Variants in COL14A1 observed in about 807,000 individuals in gnomAD.
COL14A1 encodes the protein collagen type XIV alpha 1 chain, also known as collagen alpha-1(XIV) chain.
Under a neutral mutation model 230.3 loss-of-function variants are expected in COL14A1, and 136 were observed. That is an observed-to-expected ratio of 0.59 (90% CI 0.51 to 0.68). The LOEUF (loss-of-function observed/expected upper bound fraction) is 0.68, where lower values mean the gene tolerates loss of function less well. COL14A1 is among the 30% of genes least tolerant of loss of function. The probability of loss-of-function intolerance (pLI) is 0.00; values close to 1 mark genes in which losing one functional copy is unlikely to be tolerated. For synonymous variants in COL14A1, 792 were observed against 784.1 expected, an observed-to-expected ratio of 1.01 and a Z score of -0.17; for missense variants, 1,976 against 2,215.8, an observed-to-expected ratio of 0.89 and a Z score of 2.17.
intron 5 of COL14A1, among the ~76,000 whole-genome samples, chr8:120,170,738 T>C (rs941014520): frequency 2.6e-5 from 4 of 152,104 alleles, no homozygotes; most frequent in Non-Finnish European, 5.9e-5. Context: ...TTTTTGATAT[T>C]TTGTAATGAT....
intron 2 of COL14A1, 110 bp from the exon 3 acceptor site, chr8:120,158,020 C>T (rs548111299): frequency 5.0e-6 from 3 of 601,232 alleles, no homozygotes; most frequent in Admixed American, 3.2e-5. Flanking sequence ...TATTTTGAGG[C>T]TGATGAAGTC....
intron 2 of COL14A1, among the ~76,000 whole-genome samples, chr8:120,157,878 C>T (rs1396607917): frequency 1.3e-5 from 2 of 152,090 alleles, no homozygotes; most frequent in African/African-American, 4.8e-5. Context: ...CCCAGCTACT[C>T]AGGAGGCTGA....
At chr8:120,349,337 C>G (rs1183396150) in intron 45 of COL14A1, among the ~76,000 whole-genome samples, 1 of 150,680 alleles carries the variant, frequency 6.6e-6, no homozygotes, top group Non-Finnish European at 1.5e-5. Context: ...GCCTCTCCTC[C>G]TCCAAGGGAA....
chr8:120,226,231 G>C (rs533307732), intron 15 of COL14A1, among the ~76,000 whole-genome samples: 1 of 151,712 alleles, frequency 6.6e-6, no homozygotes, highest in African/African-American at 2.4e-5. Context: ...AGCCACTAAA[G>C]CAAATAGAAC....
chr8:120,251,935 T>C (rs911140077), intron 22 of COL14A1, among the ~76,000 whole-genome samples: 1 of 152,050 alleles, frequency 6.6e-6, no homozygotes, highest in Middle Eastern at 3.4e-3. Context: ...TGTAACTCTA[T>C]TGCTATAAAC....
chr8:120,320,054 T>C (rs1443781178), intron 40 of COL14A1, among the ~76,000 whole-genome samples: 1 of 152,186 alleles, frequency 6.6e-6, no homozygotes, highest in Non-Finnish European at 1.5e-5. Flanking sequence ...GGTGGCTTTC[T>C]CAGTCCCCAC....
rs1222770406 is a variant in COL14A1 at position 120,161,854 on chromosome 8, G to A, written c.206-572G>A. 6.6e-5 allele frequency among the ~76,000 whole-genome samples: 10 copies of A among 152,184 alleles called. No homozygotes were observed. The East Asian group carries it at 1.5e-3, about 24-fold the overall frequency. ...AATTTTGTGTGTTTTTAGTAGAGAC[G>A]GGGTTTCACCACATTGGCCAGGCTG... is the stretch of plus-strand genomic sequence containing the variant. On this transcript the variant is annotated intron_variant, in intron 3 of 47. Coordinates refer to ENST00000297848, the MANE Select transcript of COL14A1 (RefSeq NM_021110.4).
intron 23 of COL14A1, among the ~76,000 whole-genome samples, chr8:120,255,983 A>G (rs1819137408): frequency 6.6e-6 from 1 of 152,188 alleles, no homozygotes; most frequent in African/African-American, 2.4e-5. Flanking sequence ...CAAATGGCTG[A>G]TTCCCCAAAA....
chr8:120,185,315 T>G (rs35439635), intron 5 of COL14A1, among the ~76,000 whole-genome samples: 9,248 of 152,172 alleles, frequency 0.061, 402 homozygotes, highest in Middle Eastern at 0.095. Context: ...GTAGTGATAG[T>G]GTGATATGTT....
chr8:120,143,878 A>G (rs998569097), intron 1 of COL14A1, among the ~76,000 whole-genome samples: 2 of 152,012 alleles, frequency 1.3e-5, no homozygotes, highest in East Asian at 3.9e-4. Context: ...TTGTAATAAT[A>G]ATTTTTAAAA....
chr8:120,370,952 T>C (rs1823566011), intron 47 of COL14A1, 200 bp from the exon 48 acceptor site: 2 of 1,113,940 alleles, frequency 1.8e-6, no homozygotes, highest in Non-Finnish European at 2.5e-6. Flanking sequence ...TAACAATTTC[T>C]GTAATGTATC....
chr8:120,332,213 T>G lies in COL14A1; in HGVS notation c.4713+19T>G, dbSNP rs192156271. 1.9e-6 allele frequency: 3 copies of G among 1,606,094 alleles called. No homozygotes were observed. Among genetic ancestry groups the G allele is most frequent in the Non-Finnish European group, 2.6e-6 (3 of 1,172,844 alleles). Reference sequence around the variant, plus strand: ...GCCAATAGTAAGCCTTTCCAGAAACTACTGGGACATACTCTGTTTTAAAGC... The same window carrying G: ...GCCAATAGTAAGCCTTTCCAGAAACGACTGGGACATACTCTGTTTTAAAGC... On this transcript the variant is annotated intron_variant, in intron 41 of 47. Transcript: ENST00000297848.
intron 26 of COL14A1, among the ~76,000 whole-genome samples, chr8:120,274,303 A>G (rs908905319): frequency 6.6e-6 from 1 of 151,934 alleles, no homozygotes. Flanking sequence ...CTTTCAACAA[A>G]TTGGGAATAG....
At chr8:120,148,696 A>G (rs1815176706) in intron 2 of COL14A1, among the ~76,000 whole-genome samples, 1 of 152,236 alleles carries the variant, frequency 6.6e-6, no homozygotes, top group Admixed American at 6.5e-5. Flanking sequence ...AAAACTGAGC[A>G]CATAGTCTGA....
intron 34 of COL14A1, among the ~76,000 whole-genome samples, chr8:120,290,505 G>C (rs931532734): frequency 1.3e-5 from 2 of 151,784 alleles, no homozygotes; most frequent in Admixed American, 1.3e-4. Flanking sequence ...TTTTATTCTT[G>C]TAAACAATCC....
intron 8 of COL14A1, 119 bp downstream of exon 8, chr8:120,199,685 T>C: frequency 9.8e-7 from 1 of 1,021,534 alleles, no homozygotes; most frequent in Non-Finnish European, 1.4e-6. Context: ...TTTCTAGTCT[T>C]GGCACTTGTC....
intron 17 of COL14A1, among the ~76,000 whole-genome samples, chr8:120,228,216 G>A (rs561906181): frequency 4.6e-5 from 7 of 152,156 alleles, no homozygotes; most frequent in Non-Finnish European, 1.0e-4. Flanking sequence ...GGATTGGTGT[G>A]TTGACCCTAA....
At chr8:120,153,404 C>A (rs973111909) in intron 2 of COL14A1, among the ~76,000 whole-genome samples, 3 of 152,162 alleles carry the variant, frequency 2.0e-5, no homozygotes, top group African/African-American at 7.2e-5. Flanking sequence ...AGGCTGGTCT[C>A]AAACTCCTGG....
At chr8:120,175,612 T>C (rs1816256245) in intron 5 of COL14A1, among the ~76,000 whole-genome samples, 1 of 152,110 alleles carries the variant, frequency 6.6e-6, no homozygotes, top group South Asian at 2.1e-4. Flanking sequence ...TAAAATAAGG[T>C]TTTATTGGAA....
Sources: allele counts gnomAD v4.1 joint callset (sites outside exome capture counted in the v4.1 genomes callset), GRCh38; gene constraint gnomAD v4.1.1; transcripts MANE v1.5; gene names NCBI Gene and HGNC (gene_info 2026-07-23, HGNC 2026-07-21).